Variants in SNTG2 observed in about 807,000 individuals in gnomAD.
The protein encoded by SNTG2 is gamma-2-syntrophin.
In SNTG2, 74 loss-of-function variants were observed where a neutral mutation model predicts 70.9. That is an observed-to-expected ratio of 1.04 (90% confidence interval 0.86 to 1.27). The LOEUF is 1.27. Ranked by LOEUF, SNTG2 falls within the 50% of genes most tolerant of loss-of-function variation. The probability of loss-of-function intolerance (pLI) is 0.00; values close to 1 mark genes in which losing one functional copy is unlikely to be tolerated. For missense variants in SNTG2, 717 were observed against 690.7 expected, an observed-to-expected ratio of 1.04 and a Z score of -0.43; for synonymous variants, 278 against 273.8, an observed-to-expected ratio of 1.02 and a Z score of -0.15.
chr2:1,145,705 A>C (rs965479829), intron 6 of SNTG2, among the ~76,000 whole-genome samples: 1 of 152,246 alleles, frequency 6.6e-6, no homozygotes, highest in Non-Finnish European at 1.5e-5. Context: ...GCATTCCATG[A>C]GGCCAGCTTT....
intron 11 of SNTG2, among the ~76,000 whole-genome samples, chr2:1,245,254 A>G (rs1187432633): frequency 1.3e-5 from 2 of 151,620 alleles, no homozygotes; most frequent in Non-Finnish European, 2.9e-5. Context: ...GTACCCTAAA[A>G]CTTAAAGTAT....
chr2:1,192,353 T>G (rs925873217), intron 8 of SNTG2, among the ~76,000 whole-genome samples: 1 of 152,176 alleles, frequency 6.6e-6, no homozygotes, highest in Non-Finnish European at 1.5e-5. Flanking sequence ...CACCATAGAC[T>G]CCACACCCAG....
intron 1 of SNTG2, among the ~76,000 whole-genome samples, chr2:974,184 C>T (rs1383815265): frequency 2.0e-5 from 3 of 152,124 alleles, no homozygotes; most frequent in Non-Finnish European, 4.4e-5. Context: ...TCGTTGTTGT[C>T]ATCCCCTTAG....
chr2:1,353,871 T>C lies in SNTG2; in HGVS notation c.1489-13472T>C, dbSNP rs1660708534. ...GATTGATTGAGGACATTTGGTAATA[T>C]TAGCATTTATGTGTTGATTGAAAGT... On this transcript the variant is annotated intron_variant, in intron 16 of 16. Transcript: ENST00000308624. This position sits in a 1 kb window ranked among gnomAD's most constrained non-coding sequence, Gnocchi z 4.2. 1 of 152,162 alleles carries C rather than the reference T, an allele frequency of 6.6e-6. No homozygotes were observed. The highest frequency in any genetic ancestry group is 1.5e-5 in the Non-Finnish European group (1 of 68,026). The allele number at this position is 152,162 out of a possible 1,614,324, so 9.4% of individuals were successfully genotyped here.
chr2:1,008,190 T>C (rs1472566327), intron 1 of SNTG2, among the ~76,000 whole-genome samples: 1 of 152,248 alleles, frequency 6.6e-6, no homozygotes, highest in Non-Finnish European at 1.5e-5. Flanking sequence ...TTTTCTGTTC[T>C]ATATCTTTCT....
intron 14 of SNTG2, among the ~76,000 whole-genome samples, chr2:1,294,964 C>G (rs1459428245): frequency 6.6e-6 from 1 of 152,192 alleles, no homozygotes; most frequent in Non-Finnish European, 1.5e-5. Flanking sequence ...CGTCTTCTGA[C>G]CTGGCTCCCT....
At chr2:1,012,218 T>C (rs1340225999) in intron 1 of SNTG2, among the ~76,000 whole-genome samples, 1 of 152,238 alleles carries the variant, frequency 6.6e-6, no homozygotes, top group Non-Finnish European at 1.5e-5. Flanking sequence ...AAGGCTGTCA[T>C]GTATGGGATG....
chr2:996,035 C>T (rs1201886618), intron 1 of SNTG2, among the ~76,000 whole-genome samples: 1 of 152,022 alleles, frequency 6.6e-6, no homozygotes, highest in African/African-American at 2.4e-5. Context: ...TTGTTGTTTG[C>T]CTTGTAATGA....
At chr2:1,282,912 C>T (rs534573183) in intron 14 of SNTG2, among the ~76,000 whole-genome samples, 6 of 152,346 alleles carry the variant, frequency 3.9e-5, no homozygotes, top group African/African-American at 1.4e-4. Context: ...ATGCCGTTTG[C>T]TACAGAGAAC....
intron 16 of SNTG2, among the ~76,000 whole-genome samples, chr2:1,359,698 T>C (rs1410951573): frequency 1.3e-5 from 2 of 152,206 alleles, no homozygotes; most frequent in Admixed American, 6.5e-5. Context: ...ATATGATGGC[T>C]TTTTACATGC....
intron 12 of SNTG2, among the ~76,000 whole-genome samples, chr2:1,248,332 C>T (rs949156143): frequency 8.5e-5 from 13 of 152,182 alleles, no homozygotes; most frequent in African/African-American, 1.9e-4. Context: ...ACACAACTTA[C>T]GTGGCCATGG....
At chr2:1,052,262 A>G (rs906473355) in intron 1 of SNTG2, among the ~76,000 whole-genome samples, 3 of 152,206 alleles carry the variant, frequency 2.0e-5, no homozygotes, top group African/African-American at 7.2e-5. Context: ...ACTTTGTGAA[A>G]TAATTTTAAT....
intron 1 of SNTG2, among the ~76,000 whole-genome samples, chr2:1,018,116 C>T (rs1383541342): frequency 1.3e-5 from 2 of 152,124 alleles, no homozygotes; most frequent in Admixed American, 6.5e-5. Flanking sequence ...AGTATGGTAA[C>T]GAGCCTCTGT....
intron 1 of SNTG2, among the ~76,000 whole-genome samples, chr2:974,578 G>C (rs1660850571): frequency 6.6e-6 from 1 of 152,200 alleles, no homozygotes; most frequent in African/African-American, 2.4e-5. Flanking sequence ...CTGCTGGTGA[G>C]GGAGGGAGAT....
intron 1 of SNTG2, among the ~76,000 whole-genome samples, chr2:975,006 A>C (rs767859281): frequency 1.2e-4 from 19 of 152,326 alleles, no homozygotes; most frequent in Non-Finnish European, 2.1e-4. Flanking sequence ...TGCATGAAGA[A>C]GGTGAAACAT....
chr2:1,150,626 T>C (rs1409589061), intron 6 of SNTG2, among the ~76,000 whole-genome samples: 5 of 152,060 alleles, frequency 3.3e-5, no homozygotes, highest in African/African-American at 1.2e-4. Flanking sequence ...TGGAATTCAG[T>C]TGACAAAAGT....
chr2:1,064,714 A>T (rs1447257766), intron 1 of SNTG2, among the ~76,000 whole-genome samples: 1 of 152,192 alleles, frequency 6.6e-6, no homozygotes, highest in Non-Finnish European at 1.5e-5. Flanking sequence ...ATGCAATGGG[A>T]TACTAAGAAA....
rs529890687 is a variant in SNTG2, at chr2:964,691, C to T, written c.72+13623C>T. On this transcript the variant is annotated intron_variant, in intron 1 of 16. Transcript: ENST00000308624. ...TGGGTCCTTGGAAGTGCAGGGTCCT[C>T]GAGACACGGGGAGCTCTGGGGTGAG... Among the ~76,000 whole-genome samples the T allele has an allele frequency of 1.7e-3, 256 of 152,260 alleles. 3 individuals are homozygous for T. Among genetic ancestry groups the T allele is most frequent in the Middle Eastern group, 6.8e-3 (2 of 294 alleles).
intron 8 of SNTG2, among the ~76,000 whole-genome samples, chr2:1,194,590 A>T (rs1225550778): frequency 1.3e-5 from 2 of 152,192 alleles, no homozygotes; most frequent in Non-Finnish European, 2.9e-5. Context: ...TGCCGCCTGC[A>T]ATAGTTAAAT....
Sources: allele counts gnomAD v4.1 joint callset (sites outside exome capture counted in the v4.1 genomes callset), GRCh38; gene constraint gnomAD v4.1.1; non-coding constraint Gnocchi (gnomAD v3.1); transcripts MANE v1.5; gene names NCBI Gene and HGNC (gene_info 2026-07-23, HGNC 2026-07-21).